The following YLPM1 variants were observed in gnomAD, a reference collection of about 807,000 sequenced individuals.
YLPM1 encodes YLP motif-containing protein 1.
Under a neutral mutation model 230.0 loss-of-function variants are expected in YLPM1, and 99 were observed. The ratio of observed to expected loss-of-function variants is 0.43; its 90% CI spans 0.37 to 0.51. The LOEUF (loss-of-function observed/expected upper bound fraction) is 0.51. Ranked by LOEUF, YLPM1 falls within the 20% of genes least tolerant of loss-of-function variation. The pLI is 0.00. For synonymous variants in YLPM1, 984 were observed against 942.5 expected, an observed-to-expected ratio of 1.04 and a Z score of -0.81; for missense variants, 2,592 against 2,707.7, an observed-to-expected ratio of 0.96 and a Z score of 0.95.
rs2091299716 is a variant in YLPM1 at position 74,799,280 on chromosome 14, T to G, written c.3983T>G (p.Ile1328Ser). ...GAATCACAGTTTCGTGAACGGGATA[T>G]TCCATCTCTTCCACCTTTACCGCCC... ...EQESQFRERDIPSLPPLPPLP... is the reference protein window; with the variant it reads ...EQESQFRERDSPSLPPLPPLP... The change falls in exon 5 of 21, where the codon ATT becomes AGT. Residue 1328 changes from isoleucine (I) to serine (S), a missense_variant. Transcript: ENST00000325680. 2 of 1,613,882 alleles carry G rather than the reference T, an allele frequency of 1.2e-6. No homozygotes were observed. Among genetic ancestry groups the G allele is most frequent in the East Asian group, 2.2e-5 (1 of 44,894 alleles).
At chr14:74,829,960 G>A (rs954771696) in intron 19 of YLPM1, among the ~76,000 whole-genome samples, 2 of 152,182 alleles carry the variant, frequency 1.3e-5, no homozygotes, top group African/African-American at 4.8e-5. Context: ...TCAGGAAATG[G>A]TATTTAAAAC....
rs771129720 is a variant in YLPM1 at position 74,802,599 on chromosome 14, G to A, written c.4444G>A (p.Glu1482Lys). ...TCAAAAGATGAAAGACTTCGGGTCT[G>A]AGCCACAGATGGCTGACCATCTACC... Reference protein sequence around the residue: ...QLQKMKDFGSEPQMADHLPPQ... With the variant: ...QLQKMKDFGSKPQMADHLPPQ... The change falls in exon 6 of 21, where the codon GAG becomes AAG. Residue 1482 changes from glutamate (E) to lysine (K), a missense_variant. By Grantham distance (56) the Glu-to-Lys change is moderately conservative. Around this residue, in one of 4 missense-constraint regions of YLPM1, gnomAD observed 403 missense variants for 426.7 expected, o/e 0.94. Coordinates refer to ENST00000325680, the MANE Select transcript of YLPM1 (RefSeq NM_019589.3). The A allele has an allele frequency of 3.7e-6, 6 of 1,613,432 alleles. No individual in the cohort carries two copies. The highest frequency in any genetic ancestry group is 3.4e-6 in the Non-Finnish European group (4 of 1,179,706).
intron 4 of YLPM1, among the ~76,000 whole-genome samples, chr14:74,784,994 T>G (rs548476371): frequency 6.6e-6 from 1 of 152,352 alleles, no homozygotes; most frequent in South Asian, 2.1e-4. Flanking sequence ...AATAATGTGC[T>G]TATATTGTAT....
chr14:74,834,068 G>T (rs2091626315), intron 19 of YLPM1, among the ~76,000 whole-genome samples: 1 of 151,762 alleles, frequency 6.6e-6, no homozygotes, highest in African/African-American at 2.4e-5. Flanking sequence ...ATAATATGTG[G>T]CTGGGCATGG....
At chr14:74,799,975 T>G (rs1389188466) in intron 5 of YLPM1, among the ~76,000 whole-genome samples, 1 of 152,242 alleles carries the variant, frequency 6.6e-6, no homozygotes, top group African/African-American at 2.4e-5. Context: ...ATGTTTCAAG[T>G]GTCAAACTTC....
intron 4 of YLPM1, among the ~76,000 whole-genome samples, chr14:74,797,346 G>A (rs1394929215): frequency 6.6e-6 from 1 of 151,882 alleles, no homozygotes; most frequent in Non-Finnish European, 1.5e-5. Flanking sequence ...GAGATGTGTT[G>A]AAGTAAGTTA....
At chr14:74,769,049 AT>A (rs1427215315) in intron 1 of YLPM1, among the ~76,000 whole-genome samples, 1 of 151,292 alleles carries the variant, frequency 6.6e-6, no homozygotes, top group Non-Finnish European at 1.5e-5. Flanking sequence ...GATATTTTTT[AT>A]TTTTTATTTG....
Position 74,795,059 on chromosome 14 carries a change from C to T in YLPM1, c.2283-2521C>T, listed in dbSNP as rs376224190. On this transcript the variant is annotated intron_variant, in intron 4 of 20. Coordinates refer to ENST00000325680, the MANE Select transcript of YLPM1 (RefSeq NM_019589.3). ...TTCTACAAAACCCTTTGCAATTTTC[C>T]GTGGACTTGAATCTCAGGACATGGG... Among the ~76,000 whole-genome samples the T allele has an allele frequency of 7.9e-5, 12 of 152,306 alleles. No individual in the cohort carries two copies. The East Asian group carries it at 2.1e-3, about 27-fold the overall frequency.
chr14:74,804,862 T>C (rs1385590212), intron 6 of YLPM1, among the ~76,000 whole-genome samples: 1 of 152,230 alleles, frequency 6.6e-6, no homozygotes, highest in Non-Finnish European at 1.5e-5. Flanking sequence ...CATCTTTCCA[T>C]ATTGTTATAT....
chr14:74,814,274 T>G (rs1438795656), intron 11 of YLPM1, among the ~76,000 whole-genome samples: 3 of 152,146 alleles, frequency 2.0e-5, no homozygotes, highest in Non-Finnish European at 4.4e-5. Context: ...GGCAGGAGAA[T>G]GGCATGAACC....
intron 10 of YLPM1, 79 bp downstream of exon 10, chr14:74,811,817 T>C (rs2091437770): frequency 1.9e-6 from 2 of 1,044,938 alleles, no homozygotes; most frequent in Non-Finnish European, 2.7e-6. Flanking sequence ...GCTATGAATT[T>C]AAACTTTTAG....
chr14:74,791,987 G>T (rs2091211694), intron 4 of YLPM1, among the ~76,000 whole-genome samples: 1 of 152,030 alleles, frequency 6.6e-6, no homozygotes. Flanking sequence ...TCACTTATGT[G>T]AACAAATAAT....
Position 74,783,341 on chromosome 14 carries a change from C to T in YLPM1, c.2282+1016C>T, listed in dbSNP as rs2091114203. On this transcript the variant is annotated intron_variant, in intron 4 of 20. Coordinates refer to ENST00000325680, the MANE Select transcript of YLPM1 (RefSeq NM_019589.3). ...GCCTTGGCCTCCCTGCCTGCCGTGGCCTCCCAAAGTGCTGGGATTACAGGT... is the reference window on the plus strand; with the variant it reads ...GCCTTGGCCTCCCTGCCTGCCGTGGTCTCCCAAAGTGCTGGGATTACAGGT... 2.0e-5 allele frequency among the ~76,000 whole-genome samples: 3 copies of T among 152,136 alleles called. No individual in the cohort carries two copies. The South Asian group carries it at 6.2e-4, about 32-fold the overall frequency.
intron 10 of YLPM1, 135 bp from the exon 11 acceptor site, chr14:74,812,493 C>A: frequency 1.2e-6 from 1 of 836,452 alleles, no homozygotes; most frequent in Non-Finnish European, 1.7e-6. Context: ...TAAATTTTCT[C>A]TAATTAAAGT....
At position 74,781,347 on chromosome 14, in the gene YLPM1, A is replaced by C; in HGVS notation, c.1304A>C (p.Asp435Ala). ...PPPHIQTMSV[D>A]MQLRHYEMQQ... ...CTTTATTTGTAGACCATGTCTGTAG[A>C]TATGCAGCTGCGGCATTATGAGATG... Residue 435 changes from aspartate (D) to alanine (A), a missense_variant, in exon 4 of 21, where the codon GAT (aspartate) becomes GCT (alanine). Asp to Ala is a moderately radical substitution (Grantham distance 126). This residue lies in a region of YLPM1 where 1,862 missense variants were observed against 1,819.8 expected (regional missense o/e 1.02). Coordinates refer to ENST00000325680, the MANE Select transcript of YLPM1 (RefSeq NM_019589.3). 1 of 1,565,052 alleles carries C rather than the reference A, an allele frequency of 6.4e-7. No individual in the cohort carries two copies. The highest frequency in any genetic ancestry group is 8.7e-7 in the Non-Finnish European group (1 of 1,154,020).
intron 4 of YLPM1, among the ~76,000 whole-genome samples, chr14:74,796,229 A>G (rs2091259368): frequency 6.6e-6 from 1 of 152,062 alleles, no homozygotes; most frequent in South Asian, 2.1e-4. Flanking sequence ...TTACTTCTTT[A>G]CCTTATTTTT....
rs375609064 is a variant in YLPM1, at chr14:74,763,600, G to C, written c.111G>C (p.Ser37=). The C allele has an allele frequency of 6.3e-7, 1 of 1,588,708 alleles. No homozygotes were observed. The change falls in exon 1 of 21, where the codon TCG becomes TCC. Residue 37 remains serine, a synonymous_variant. Coordinates refer to ENST00000325680, the MANE Select transcript of YLPM1 (RefSeq NM_019589.3). ...LPEASPGPGY[S]SSTTPAAPSS... ...AGGCCTCGCCGGGGCCCGGGTACTC[G>C]AGCTCGACGACTCCCGCGGCCCCCT...
At chr14:74,826,503 G>T (rs2091563844) in intron 18 of YLPM1, among the ~76,000 whole-genome samples, 1 of 152,210 alleles carries the variant, frequency 6.6e-6, no homozygotes, top group African/African-American at 2.4e-5. Flanking sequence ...AGCAAAAACA[G>T]TTGAATCTGA....
At chr14:74,783,599 G>A (rs566879401) in intron 4 of YLPM1, among the ~76,000 whole-genome samples, 3 of 152,160 alleles carry the variant, frequency 2.0e-5, no homozygotes, top group South Asian at 2.1e-4. Flanking sequence ...ACCAATCTGC[G>A]TATTGCTTAG....
Sources: gnomAD v4.1 joint callset for allele counts (sites outside exome capture counted in the v4.1 genomes callset) on GRCh38, gnomAD v4.1.1 for gene constraint, gnomAD v4.1.1 regional missense constraint, MANE v1.5 for transcripts, NCBI Gene and HGNC (gene_info 2026-07-23, HGNC 2026-07-21) for gene names.